The following MYH7B variants were observed in gnomAD, a reference collection of about 807,000 sequenced individuals.
The protein encoded by MYH7B is myosin heavy chain 7B.
MYH7B carries 205 observed loss-of-function variants against 234.5 expected under a neutral mutation model. That is an observed-to-expected ratio of 0.87 (90% CI 0.78 to 0.98). The LOEUF (loss-of-function observed/expected upper bound fraction) is 0.98, where lower values mean the gene tolerates loss of function less well. MYH7B is among the 50% of genes least tolerant of loss of function. MYH7B has a pLI of 0.00. For synonymous variants in MYH7B, 1,193 were observed against 1,105.0 expected (o/e 1.08, Z -1.58); for missense variants, 2,652 against 2,633.4 (o/e 1.01, Z -0.15).
Position 34,979,430 on chromosome 20 carries a change from C to T in MYH7B, c.132C>T (p.Tyr44=), listed in dbSNP as rs745470942. The T allele has an allele frequency of 1.1e-5, 18 of 1,613,860 alleles. No homozygotes were observed. Among genetic ancestry groups the T allele is most frequent in the East Asian group, 6.7e-5 (3 of 44,890 alleles). The change falls in exon 6 of 45, where the codon TAC becomes TAT. Residue 44 remains tyrosine (Y), a synonymous_variant. Coordinates refer to ENST00000262873, the Ensembl canonical transcript of MYH7B. ...GGGTGCCTGATGAACAGGACGCCTACGTGGAGGCCGAGGTCAAGTCGGAGG... is the reference window on the plus strand; with the variant it reads ...GGGTGCCTGATGAACAGGACGCCTATGTGGAGGCCGAGGTCAAGTCGGAGG...
chr20:34,997,635 G>A (rs372830502), exon 32 of MYH7B: 15 of 1,613,074 alleles, frequency 9.3e-6, no homozygotes, highest in East Asian at 2.2e-5. Flanking sequence ...TCTGACCCGC[G>A]CCAAGGTGTC....
intron 3 of MYH7B, 117 bp downstream of exon 3, chr20:34,975,616 C>T (rs181337230): frequency 2.5e-5 from 16 of 631,080 alleles, no homozygotes; most frequent in East Asian, 5.6e-5. Context: ...AAATGTCTAC[C>T]GAGAGGGGAC....
exon 6 of MYH7B, chr20:34,979,439 C>T (rs772517496): frequency 1.6e-5 from 26 of 1,613,834 alleles, no homozygotes; most frequent in African/African-American, 6.7e-5. Flanking sequence ...ACGTGGAGGC[C>T]GAGGTCAAGT....
intron 2 of MYH7B, among the ~76,000 whole-genome samples, chr20:34,974,804 G>A (rs934858570): frequency 2.0e-5 from 3 of 152,288 alleles, no homozygotes; most frequent in Admixed American, 6.5e-5. Flanking sequence ...GGTTTGGTTC[G>A]TTCACTTACT....
rs777229146 is a variant in MYH7B at position 34,980,691 on chromosome 20, T to C, written c.456T>C (p.His152=). Residue 152 remains histidine, a synonymous_variant, in exon 8 of 45, where the codon CAT becomes CAC. Transcript: ENST00000262873. ...AGCGCCGCTCAGATTCCCCGCCCCA[T>C]ATATATGCGGTGGCGGACAACGCCT... The C allele has an allele frequency of 3.7e-6, 6 of 1,614,122 alleles. No individual in the cohort carries two copies. The South Asian group carries it at 6.6e-5, about 18-fold the overall frequency.
At chr20:34,962,348 T>G (rs547606192) in intron 2 of MYH7B, among the ~76,000 whole-genome samples, 194 of 152,330 alleles carry the variant, frequency 1.3e-3, no homozygotes, top group Non-Finnish European at 2.5e-3. Flanking sequence ...AGTATATGTT[T>G]AACTTTTTGA....
At chr20:34,972,143 A>G (rs1368637343) in intron 2 of MYH7B, among the ~76,000 whole-genome samples, 1 of 151,994 alleles carries the variant, frequency 6.6e-6, no homozygotes, top group Non-Finnish European at 1.5e-5. Context: ...ACTTCAGCTC[A>G]CTCACATTTC....
rs776773501 is a variant in MYH7B, at chr20:35,001,040, T to C, written c.5357T>C (p.Leu1786Pro). The change falls in exon 41 of 45, where the codon CTG becomes CCG. Residue 1786 changes from leucine to proline, a missense_variant. Leu to Pro is a moderately conservative substitution (Grantham distance 98). Transcript: ENST00000262873. ...AAGGAGCAGGACACAAGTGCACACC[T>C]GGAACGGATGAAGAAGACGCTGGAG... 1.2e-5 allele frequency: 19 copies of C among 1,613,868 alleles called. No homozygotes were observed. The South Asian group carries it at 2.1e-4, about 18-fold the overall frequency.
At chr20:34,999,269 G>A in exon 36 of MYH7B, 2 of 1,599,044 alleles carry the variant, frequency 1.3e-6, no homozygotes, top group Non-Finnish European at 1.7e-6. Context: ...GGCAGGAGGA[G>A]GAGATGCAGC....
chr20:34,999,745 G>C, intron 37 of MYH7B, 46 bp from the exon 38 acceptor site: 1 of 1,568,526 alleles, frequency 6.4e-7, no homozygotes, highest in Non-Finnish European at 8.6e-7. Flanking sequence ...CTGCTCCACT[G>C]GCCATCCCCC....
Position 34,999,755 on chromosome 20 carries a change from C to G in MYH7B, c.4666-36C>G, listed in dbSNP as rs529230306. On this transcript the variant is annotated intron_variant, in intron 37 of 44. Transcript: ENST00000262873. The stretch of plus-strand genomic sequence containing the variant: ...ACCTGCTGCTCCACTGGCCATCCCC[C>G]CCCCCCACCCTACCCTGCCTGCTCT... The G allele has an allele frequency of 1.8e-4, 236 of 1,296,342 alleles. 4 individuals are homozygous for G. In the African/African-American group the frequency reaches 2.9e-3, roughly 16 times the overall value. The allele number at this position is 1,296,342 out of a possible 1,614,324, so 80.3% of individuals were successfully genotyped here.
At chr20:34,980,644 G>T in exon 8 of MYH7B, 1 of 1,614,180 alleles carries the variant, frequency 6.2e-7, no homozygotes, top group Non-Finnish European at 8.5e-7. Context: ...TACGGCCTCC[G>T]TAGTGGCTGC....
chr20:34,964,279 G>C (rs140786005), intron 2 of MYH7B, among the ~76,000 whole-genome samples: 3 of 152,104 alleles, frequency 2.0e-5, no homozygotes, highest in African/African-American at 7.2e-5. Flanking sequence ...ACGGTGTCTC[G>C]TTGTGATTTT....
chr20:34,984,715 G>A, exon 11 of MYH7B: 1 of 1,605,958 alleles, frequency 6.2e-7, no homozygotes, highest in South Asian at 1.1e-5. Flanking sequence ...CAAAGACGGG[G>A]GTGAGTATGG....
chr20:34,998,742 C>T (rs758915847), exon 35 of MYH7B: 7 of 1,611,946 alleles, frequency 4.3e-6, no homozygotes, highest in South Asian at 3.3e-5. Flanking sequence ...TGGCCCACGC[C>T]GTGCAGGCTC....
chr20:34,981,984 T>C, intron 9 of MYH7B: 1 of 157,684 alleles, frequency 6.3e-6, no homozygotes, highest in Non-Finnish European at 1.4e-5. Flanking sequence ...GGCCAGGGGT[T>C]TGAGACCAGC....
chr20:34,971,245 T>A (rs1165230730), intron 2 of MYH7B, among the ~76,000 whole-genome samples: 1 of 152,158 alleles, frequency 6.6e-6, no homozygotes, highest in African/African-American at 2.4e-5. Flanking sequence ...GAGAGCTGGT[T>A]GGCATGATGG....
intron 2 of MYH7B, among the ~76,000 whole-genome samples, chr20:34,963,594 A>G (rs2081717384): frequency 6.6e-6 from 1 of 152,310 alleles, no homozygotes; most frequent in African/African-American, 2.4e-5. Context: ...GACGAAGTCC[A>G]ATTTATTTAT....
chr20:34,998,889 G>A, exon 35 of MYH7B: 1 of 1,612,928 alleles, frequency 6.2e-7, no homozygotes. Context: ...ATGCCATCCA[G>A]AGGACCGAGG....
Sources: gnomAD v4.1 joint callset for allele counts (sites outside exome capture counted in the v4.1 genomes callset) on GRCh38, gnomAD v4.1.1 for gene constraint, MANE v1.5 for transcripts, NCBI Gene and HGNC (gene_info 2026-07-23, HGNC 2026-07-21) for gene names.